Variants in GBE1 observed in about 807,000 individuals in gnomAD.
The protein encoded by GBE1 is 1,4-alpha-glucan branching enzyme 1, also known as 1,4-alpha-glucan-branching enzyme.
A neutral mutation model predicts 88.8 loss-of-function variants in GBE1; 70 were observed. The observed-to-expected ratio is 0.79, with a 90% confidence interval of 0.65 to 0.96. The LOEUF is 0.96. GBE1 is among the 40% of genes least tolerant of loss of function. The pLI is 0.00. For synonymous variants in GBE1, 284 were observed against 300.1 expected, an observed-to-expected ratio of 0.95 and a Z score of 0.56; for missense variants, 872 against 871.0, an observed-to-expected ratio of 1.00 and a Z score of -0.01.
intron 1 of GBE1, among the ~76,000 whole-genome samples, chr3:81,745,154 C>T (rs1206057988): frequency 1.3e-5 from 2 of 152,070 alleles, no homozygotes; most frequent in African/African-American, 4.8e-5. Flanking sequence ...AAACTTCTTA[C>T]AAATCTGCAA....
intron 14 of GBE1, among the ~76,000 whole-genome samples, chr3:81,518,520 TCA>T (rs1702828581): frequency 6.6e-6 from 1 of 151,446 alleles, no homozygotes; most frequent in Non-Finnish European, 1.5e-5. Context: ...ACTTGGTGAT[TCA>T]TCCCTAATTC....
chr3:81,513,784 C>G (rs567984760), intron 14 of GBE1, among the ~76,000 whole-genome samples: 1 of 151,722 alleles, frequency 6.6e-6, no homozygotes, highest in Admixed American at 6.6e-5. Context: ...TGCATGTTAA[C>G]TAATCATGAA....
At chr3:81,678,117 A>C (rs1239949491) in intron 2 of GBE1, among the ~76,000 whole-genome samples, 2 of 152,232 alleles carry the variant, frequency 1.3e-5, no homozygotes, top group Non-Finnish European at 2.9e-5. Context: ...ATGCCGGCCT[A>C]CATGGCATAG....
At chr3:81,549,988 T>C (rs1163663594) in intron 12 of GBE1, among the ~76,000 whole-genome samples, 2 of 151,372 alleles carry the variant, frequency 1.3e-5, no homozygotes, top group Non-Finnish European at 3.0e-5. Flanking sequence ...CAGTGATCTC[T>C]GGATGCTGCT....
chr3:81,577,073 A>G (rs1044769496), intron 12 of GBE1, among the ~76,000 whole-genome samples: 2 of 151,808 alleles, frequency 1.3e-5, no homozygotes, highest in Admixed American at 1.3e-4. Context: ...CTGATTAGCT[A>G]GGGTACAGGC....
intron 12 of GBE1, among the ~76,000 whole-genome samples, chr3:81,540,747 G>C (rs1345794234): frequency 1.3e-5 from 2 of 152,018 alleles, no homozygotes; most frequent in African/African-American, 4.8e-5. Context: ...AGACAGAATT[G>C]AAAATGAAAA....
intron 6 of GBE1, 39 bp downstream of exon 6, chr3:81,646,353 C>T (rs780146712): frequency 2.4e-6 from 3 of 1,251,578 alleles, no homozygotes; most frequent in East Asian, 4.7e-5. Context: ...AAATTATTGG[C>T]TCAAAATAAA....
intron 1 of GBE1, among the ~76,000 whole-genome samples, chr3:81,750,083 A>G (rs1413131462): frequency 2.0e-5 from 3 of 149,838 alleles, no homozygotes; most frequent in African/African-American, 7.4e-5. Flanking sequence ...AGCACAACTT[A>G]AACCACAAAA....
Position 81,672,722 on chromosome 3 carries a change from T to C in GBE1, c.314-1769A>G, listed in dbSNP as rs967319697. ...TGAGTTGTATACACATAGATGTTTA[T>C]TACATTATTTACTATTTGTTTATGC... is the stretch of plus-strand genomic sequence containing the variant. On this transcript the variant is annotated intron_variant, in intron 2 of 15. Coordinates refer to ENST00000429644, the MANE Select transcript of GBE1 (RefSeq NM_000158.4). Among the ~76,000 whole-genome samples, 8 of 152,020 alleles carry C rather than the reference T, an allele frequency of 5.3e-5. No individual in the cohort carries two copies. In the East Asian group the frequency reaches 1.5e-3, roughly 29 times the overall value.
intron 14 of GBE1, among the ~76,000 whole-genome samples, chr3:81,507,471 G>A (rs901111995): frequency 3.9e-5 from 6 of 152,060 alleles, no homozygotes; most frequent in African/African-American, 1.4e-4. Context: ...GGCTGAGGCA[G>A]GAGAATGGCG....
At chr3:81,645,041 C>T (rs1704744970) in intron 6 of GBE1, among the ~76,000 whole-genome samples, 1 of 152,060 alleles carries the variant, frequency 6.6e-6, no homozygotes, top group Admixed American at 6.5e-5. Flanking sequence ...TAATTTTGGA[C>T]ACATGAAGTT....
intron 2 of GBE1, among the ~76,000 whole-genome samples, chr3:81,682,674 C>T (rs557564835): frequency 1.3e-5 from 2 of 152,132 alleles, no homozygotes; most frequent in African/African-American, 2.4e-5. Flanking sequence ...TACAGTGCAG[C>T]CCCTTTGAAA....
At chr3:81,530,349 T>C (rs945034782) in intron 14 of GBE1, among the ~76,000 whole-genome samples, 2 of 151,916 alleles carry the variant, frequency 1.3e-5, no homozygotes, top group Non-Finnish European at 2.9e-5. Flanking sequence ...TTAGTTTGTT[T>C]GGTGAGGTCA....
chr3:81,518,710 C>T (rs1907880), intron 14 of GBE1, among the ~76,000 whole-genome samples: 33,598 of 151,150 alleles, frequency 0.22, 3,993 homozygotes, highest in East Asian at 0.42. Context: ...GAAAGTGAAC[C>T]TAAGCAATGA....
intron 11 of GBE1, among the ~76,000 whole-genome samples, chr3:81,579,564 T>C (rs542757722): frequency 6.6e-6 from 1 of 152,182 alleles, no homozygotes; most frequent in Admixed American, 6.6e-5. Flanking sequence ...GAATTCACTA[T>C]GTGCTGCAAC....
chr3:81,759,705 T>G (rs1706653161), intron 1 of GBE1, among the ~76,000 whole-genome samples: 1 of 152,176 alleles, frequency 6.6e-6, no homozygotes, highest in Non-Finnish European at 1.5e-5. Flanking sequence ...TTCTCTTCCC[T>G]TCTTTATCTT....
At chr3:81,614,467 T>C (rs1166097137) in intron 7 of GBE1, among the ~76,000 whole-genome samples, 2 of 152,198 alleles carry the variant, frequency 1.3e-5, no homozygotes, top group African/African-American at 2.4e-5. Flanking sequence ...CCAGACATGG[T>C]GGCTCATGCC....
chr3:81,547,625 T>TTTTCTCTC (rs1363464025), intron 12 of GBE1, among the ~76,000 whole-genome samples: 2 of 138,386 alleles, frequency 1.4e-5, no homozygotes, highest in African/African-American at 5.3e-5. Flanking sequence ...GGTTCGTTTG[T>TTTTCTCTC]TCTCTCTCTC....
chr3:81,726,407 AT>A (rs1182173622), intron 1 of GBE1, among the ~76,000 whole-genome samples: 3 of 152,200 alleles, frequency 2.0e-5, no homozygotes, highest in African/African-American at 7.2e-5. Context: ...ACAAACAGTA[AT>A]AAAACAGATC....
Sources: allele counts gnomAD v4.1 joint callset (sites outside exome capture counted in the v4.1 genomes callset), GRCh38; gene constraint gnomAD v4.1.1; transcripts MANE v1.5; gene names NCBI Gene and HGNC (gene_info 2026-07-23, HGNC 2026-07-21).